ZFHX3: variants seen among roughly 807,000 people sequenced by gnomAD.
ZFHX3 encodes the protein zinc finger homeobox protein 3.
In ZFHX3, 42 loss-of-function variants were observed where a neutral mutation model predicts 279.1. The ratio of observed to expected loss-of-function variants is 0.15; its 90% CI spans 0.12 to 0.19. The LOEUF is 0.19. Ranked by LOEUF, ZFHX3 falls within the 10% of genes least tolerant of loss-of-function variation. The pLI, the probability that ZFHX3 is intolerant of heterozygous loss-of-function variation, is 1.00. For missense variants in ZFHX3, 4,981 were observed against 4,754.0 expected (o/e 1.05, Z -1.40); for synonymous variants, 2,293 against 1,957.8 (o/e 1.17, Z -4.52).
At chr16:72,851,400 C>T (rs551526111) in intron 4 of ZFHX3, among the ~76,000 whole-genome samples, 6 of 152,272 alleles carry the variant, frequency 3.9e-5, no homozygotes, top group Admixed American at 6.5e-5. Flanking sequence ...AACACCACGG[C>T]GAGTCTTCCA....
intron 3 of ZFHX3, among the ~76,000 whole-genome samples, chr16:73,373,471 G>A (rs777782284): frequency 1.3e-5 from 2 of 152,098 alleles, no homozygotes; most frequent in East Asian, 3.9e-4. Context: ...ATTCCTTCAG[G>A]GGTGACCCCA....
intron 5 of ZFHX3, among the ~76,000 whole-genome samples, chr16:73,178,421 G>A (rs139510513): frequency 6.6e-6 from 1 of 152,200 alleles, no homozygotes; most frequent in Non-Finnish European, 1.5e-5. Flanking sequence ...TCGCAGGCGT[G>A]AGCCACCGCG....
intron 5 of ZFHX3, among the ~76,000 whole-genome samples, chr16:73,229,696 G>A (rs1488275991): frequency 6.6e-6 from 1 of 152,050 alleles, no homozygotes; most frequent in African/African-American, 2.4e-5. Flanking sequence ...AAATATCGCA[G>A]AAATAAAGGA....
chr16:73,364,409 T>C (rs1248191364), intron 3 of ZFHX3, among the ~76,000 whole-genome samples: 4 of 151,304 alleles, frequency 2.6e-5, no homozygotes, highest in Admixed American at 1.3e-4. Flanking sequence ...TTCTAACAAA[T>C]ATATTAGTAG....
At chr16:73,525,747 G>T (rs2019680116) in intron 2 of ZFHX3, among the ~76,000 whole-genome samples, 1 of 152,184 alleles carries the variant, frequency 6.6e-6, no homozygotes, top group South Asian at 2.1e-4. Context: ...GAAGGGTTCA[G>T]GCTTAATCAC....
chr16:73,766,456 C>T (rs1179988205), intron 1 of ZFHX3, among the ~76,000 whole-genome samples: 6 of 152,186 alleles, frequency 3.9e-5, no homozygotes, highest in African/African-American at 9.6e-5. Context: ...TAAGGGACAG[C>T]AGCATCTCTT....
intron 1 of ZFHX3, among the ~76,000 whole-genome samples, chr16:73,054,701 T>C (rs527873480): frequency 6.6e-6 from 1 of 151,946 alleles, no homozygotes; most frequent in Non-Finnish European, 1.5e-5. Flanking sequence ...GGGGAGGGAA[T>C]AGATGTCTGC....
chr16:72,932,277 T>C (rs1959855768), intron 3 of ZFHX3, among the ~76,000 whole-genome samples: 1 of 152,078 alleles, frequency 6.6e-6, no homozygotes, highest in Admixed American at 6.5e-5. Context: ...TATGATAAAA[T>C]TATGTCAGTG....
intron 3 of ZFHX3, among the ~76,000 whole-genome samples, chr16:72,943,438 C>CA (rs1401382625): frequency 5.3e-5 from 8 of 152,112 alleles, no homozygotes; most frequent in African/African-American, 1.9e-4. Context: ...GAGGGTGAGG[C>CA]ATGAGAATCA....
At chr16:73,236,087 C>A (rs2144937318) in intron 5 of ZFHX3, among the ~76,000 whole-genome samples, 1 of 152,310 alleles carries the variant, frequency 6.6e-6, no homozygotes, top group African/African-American at 2.4e-5. Flanking sequence ...GTTCCTAGAA[C>A]AGGTGTTTTG....
chr16:73,015,056 T>A (rs1005772493), intron 1 of ZFHX3: 2 of 147,936 alleles, frequency 1.4e-5, no homozygotes, highest in African/African-American at 5.0e-5. Context: ...TTTTTTTTTT[T>A]TTTTTTTTGA....
chr16:73,814,866 G>C (rs1182397322), intron 1 of ZFHX3, among the ~76,000 whole-genome samples: 1 of 152,030 alleles, frequency 6.6e-6, no homozygotes, highest in East Asian at 1.9e-4. Context: ...TTCACACCCA[G>C]CCCACTTCAC....
chr16:73,107,795 C>T (rs1283670932), intron 7 of ZFHX3, among the ~76,000 whole-genome samples: 3 of 152,116 alleles, frequency 2.0e-5, no homozygotes, highest in African/African-American at 7.2e-5. Context: ...GTAGCAGGGT[C>T]GCTGAGCCTA....
intron 1 of ZFHX3, among the ~76,000 whole-genome samples, chr16:72,967,702 G>T (rs746411390): frequency 2.0e-5 from 3 of 150,888 alleles, no homozygotes; most frequent in Non-Finnish European, 4.4e-5. Context: ...AGATCACGAG[G>T]CCAGGTAATC....
intron 1 of ZFHX3, among the ~76,000 whole-genome samples, chr16:73,839,308 C>A (rs1961231508): frequency 1.3e-5 from 1 of 76,238 alleles, no homozygotes; most frequent in African/African-American, 5.0e-5. Context: ...CTTGCAGCAA[C>A]AGAGCAAGAC....
At chr16:72,970,347 T>C (rs1190083336) in intron 1 of ZFHX3, among the ~76,000 whole-genome samples, 1 of 152,044 alleles carries the variant, frequency 6.6e-6, no homozygotes, top group Non-Finnish European at 1.5e-5. Context: ...TAAAAAGGGA[T>C]TTGGGGCAAT....
intron 3 of ZFHX3, among the ~76,000 whole-genome samples, chr16:73,344,515 G>T (rs917251772): frequency 6.6e-6 from 1 of 152,168 alleles, no homozygotes; most frequent in Non-Finnish European, 1.5e-5. Flanking sequence ...TTGGACTGTG[G>T]ATTCATTGAT....
intron 4 of ZFHX3, among the ~76,000 whole-genome samples, chr16:73,269,590 T>C (rs1195538605): frequency 2.0e-5 from 3 of 152,332 alleles, no homozygotes; most frequent in South Asian, 2.1e-4. Context: ...TTCCAACTTT[T>C]AGTTATTATT....
intron 2 of ZFHX3, among the ~76,000 whole-genome samples, chr16:73,470,586 G>A (rs576943019): frequency 1.3e-4 from 20 of 152,148 alleles, no homozygotes; most frequent in Admixed American, 8.5e-4. Flanking sequence ...TTTCTGCTTC[G>A]TCCCCCACAC....
Sources: allele counts gnomAD v4.1 joint callset (sites outside exome capture counted in the v4.1 genomes callset), GRCh38; gene constraint gnomAD v4.1.1; transcripts MANE v1.5; gene names NCBI Gene and HGNC (gene_info 2026-07-23, HGNC 2026-07-21).